Variants in MRTFB observed in about 807,000 individuals in gnomAD.
MRTFB encodes the protein myocardin-related transcription factor B.
MRTFB carries 29 observed loss-of-function variants against 104.2 expected under a neutral mutation model. The observed-to-expected ratio is 0.28, with a 90% CI of 0.21 to 0.38. MRTFB has a LOEUF of 0.38. Ranked by LOEUF, MRTFB falls within the 10% of genes least tolerant of loss-of-function variation. The pLI is 1.00. For synonymous variants in MRTFB, 535 were observed against 519.5 expected (o/e 1.03, Z -0.41); for missense variants, 1,270 against 1,341.6 (o/e 0.95, Z 0.83).
chr16:14,258,267 G>T, intron 16 of MRTFB, 106 bp downstream of exon 16: 2 of 839,262 alleles, frequency 2.4e-6, no homozygotes, highest in South Asian at 1.6e-5. Flanking sequence ...ACTGAGAAAC[G>T]TGTTCTTCTA....
intron 9 of MRTFB, among the ~76,000 whole-genome samples, chr16:14,239,555 A>G (rs753795905): frequency 5.9e-5 from 9 of 152,154 alleles, no homozygotes; most frequent in African/African-American, 1.9e-4. Context: ...AGATGACGCT[A>G]TCTTAGAATC....
At chr16:14,213,745 G>T in intron 6 of MRTFB, 125 bp downstream of exon 6, 1 of 665,948 alleles carries the variant, frequency 1.5e-6, no homozygotes, top group Admixed American at 3.3e-5. Context: ...CTCCAAACTG[G>T]ATAGCAACAT....
At chr16:14,200,821 G>C in intron 3 of MRTFB, 2 of 1,470,426 alleles carry the variant, frequency 1.4e-6, no homozygotes, top group Middle Eastern at 1.7e-4. Context: ...GTGGTTGGCG[G>C]TGGTTATCGT....
chr16:14,047,197 T>C, the MRTFB span, among the ~76,000 whole-genome samples: 3 of 152,230 alleles, frequency 2.0e-5, no homozygotes, highest in African/African-American at 7.2e-5. Flanking sequence ...AACCTCACTA[T>C]AGTGGCTTAA....
At chr16:14,019,981 G>C in the MRTFB span, among the ~76,000 whole-genome samples, 1 of 152,230 alleles carries the variant, frequency 6.6e-6, no homozygotes, top group African/African-American at 2.4e-5. Flanking sequence ...CATTGATCAC[G>C]TGAGACGCTT....
chr16:14,003,640 G>GCCTGCCTGCCTGCCTGCCTCCCTC, the MRTFB span, among the ~76,000 whole-genome samples: 2 of 146,684 alleles, frequency 1.4e-5, no homozygotes, highest in Non-Finnish European at 3.0e-5. Context: ...CTGCCTGCCT[G>GCCTGCCTGCCTGCCTGCCTCCCTC]CCTCCCTCCC....
chr16:14,121,889 T>A (rs935474197), intron 2 of MRTFB, among the ~76,000 whole-genome samples: 1 of 152,210 alleles, frequency 6.6e-6, no homozygotes, highest in Non-Finnish European at 1.5e-5. Context: ...GTTTTTTAAT[T>A]TAATTGTAAT....
At chr16:14,212,457 T>C in intron 5 of MRTFB, 48 bp downstream of exon 5, 9 of 1,557,976 alleles carry the variant, frequency 5.8e-6, no homozygotes, top group Non-Finnish European at 8.0e-6. Context: ...CCTTCTCTCC[T>C]CTCTTCTAAA....
At chr16:14,056,786 A>G in the MRTFB span, among the ~76,000 whole-genome samples, 2 of 152,178 alleles carry the variant, frequency 1.3e-5, no homozygotes, top group South Asian at 2.1e-4. Context: ...CTGTCTATCT[A>G]TCTATCCATC....
chr16:14,219,144 TC>T, intron 8 of MRTFB, 146 bp downstream of exon 8: 2 of 734,304 alleles, frequency 2.7e-6, no homozygotes, highest in Non-Finnish European at 4.0e-6. Flanking sequence ...TTAACTGCCC[TC>T]CAGGAAGGTA....
At chr16:14,195,225 A>G (rs1032992916) in intron 3 of MRTFB, among the ~76,000 whole-genome samples, 1 of 152,230 alleles carries the variant, frequency 6.6e-6, no homozygotes, top group Non-Finnish European at 1.5e-5. Context: ...GAAACATGTC[A>G]CGAAACATGA....
chr16:14,204,980 G>A (rs1386509240), intron 3 of MRTFB, among the ~76,000 whole-genome samples: 1 of 152,172 alleles, frequency 6.6e-6, no homozygotes, highest in African/African-American at 2.4e-5. Context: ...GTGATAAACA[G>A]GGACTATTTA....
At chr16:14,242,489 C>CA (rs2042816458) in intron 10 of MRTFB, among the ~76,000 whole-genome samples, 3 of 152,144 alleles carry the variant, frequency 2.0e-5, no homozygotes, top group Non-Finnish European at 4.4e-5. Flanking sequence ...TGTTTCCTAA[C>CA]GCATTGTTTA....
chr16:14,063,208 C>T, the MRTFB span, among the ~76,000 whole-genome samples: 1 of 152,172 alleles, frequency 6.6e-6, no homozygotes, highest in Non-Finnish European at 1.5e-5. Context: ...TGAGGACCAA[C>T]GACGTTGCTC....
chr16:14,119,640 A>G (rs1203069115), intron 2 of MRTFB, among the ~76,000 whole-genome samples: 1 of 151,850 alleles, frequency 6.6e-6, no homozygotes, highest in Non-Finnish European at 1.5e-5. Flanking sequence ...AGTAGAGGGA[A>G]CCTTTTTTTG....
chr16:14,213,648 C>T (rs760335575), intron 6 of MRTFB, 28 bp downstream of exon 6: 2 of 1,446,948 alleles, frequency 1.4e-6, no homozygotes, highest in Admixed American at 2.2e-5. Flanking sequence ...TCTTAATCTG[C>T]TGTATTTTTT....
chr16:14,111,803 C>T (rs529955381), intron 2 of MRTFB, among the ~76,000 whole-genome samples: 1 of 152,150 alleles, frequency 6.6e-6, no homozygotes, highest in African/African-American at 2.4e-5. Context: ...CTCTTTCTAC[C>T]TTTCACCCTC....
intron 2 of MRTFB, among the ~76,000 whole-genome samples, chr16:14,138,059 A>G (rs1168955642): frequency 2.0e-5 from 3 of 152,234 alleles, no homozygotes; most frequent in Non-Finnish European, 2.9e-5. Context: ...AAGTAGTTGC[A>G]TAAGATCTTC....
chr16:14,196,507 C>T (rs904718821), intron 3 of MRTFB, among the ~76,000 whole-genome samples: 6 of 152,200 alleles, frequency 3.9e-5, no homozygotes, highest in African/African-American at 1.4e-4. Flanking sequence ...AATAAGAATG[C>T]AGTAAACTTT....
Sources: gnomAD v4.1 joint callset for allele counts (sites outside exome capture counted in the v4.1 genomes callset) on GRCh38, gnomAD v4.1.1 for gene constraint, MANE v1.5 for transcripts, NCBI Gene and HGNC (gene_info 2026-07-23, HGNC 2026-07-21) for gene names.